INPP4B: variants seen among roughly 807,000 people sequenced by gnomAD.
INPP4B encodes the protein inositol polyphosphate-4-phosphatase type II B.
A neutral mutation model predicts 122.5 loss-of-function variants in INPP4B; 55 were observed. The observed-to-expected ratio is 0.45, with a 90% CI of 0.36 to 0.56. The LOEUF (loss-of-function observed/expected upper bound fraction) is 0.56, where lower values mean the gene tolerates loss of function less well. Ranked by LOEUF, INPP4B falls within the 20% of genes least tolerant of loss-of-function variation. The probability of loss-of-function intolerance (pLI) is 0.00; values close to 1 mark genes in which losing one functional copy is unlikely to be tolerated. For missense variants in INPP4B, 1,000 were observed against 1,097.7 expected, an observed-to-expected ratio of 0.91 and a Z score of 1.26; for synonymous variants, 403 against 388.7, an observed-to-expected ratio of 1.04 and a Z score of -0.43.
At chr4:142,127,392 G>C (rs983628680) in intron 18 of INPP4B, among the ~76,000 whole-genome samples, 1 of 151,978 alleles carries the variant, frequency 6.6e-6, no homozygotes, top group Non-Finnish European at 1.5e-5. Flanking sequence ...TTAGCATAAG[G>C]ATAGTTGCTT....
intron 11 of INPP4B, among the ~76,000 whole-genome samples, chr4:142,258,661 C>T (rs13139763): frequency 0.76 from 114,220 of 151,078 alleles, 44,475 homozygotes; most frequent in East Asian, 0.93. Context: ...GAGATACCAT[C>T]TCACACCAGT....
At chr4:142,568,081 C>T (rs1732019706) in intron 2 of INPP4B, among the ~76,000 whole-genome samples, 1 of 152,066 alleles carries the variant, frequency 6.6e-6, no homozygotes, top group Non-Finnish European at 1.5e-5. Flanking sequence ...GAACCTTTCC[C>T]CTCTGCATTC....
chr4:142,317,074 A>G (rs1478191275), intron 7 of INPP4B, among the ~76,000 whole-genome samples: 1 of 152,218 alleles, frequency 6.6e-6, no homozygotes, highest in African/African-American at 2.4e-5. Flanking sequence ...TGTGAGTTTC[A>G]GGAAAGGCTT....
At position 142,314,742 on chromosome 4, in the gene INPP4B, T is replaced by C. The variant is rs764341841; in HGVS notation, c.393A>G (p.Pro131=). 8.1e-6 allele frequency: 13 copies of C among 1,599,332 alleles called. No homozygotes were observed. In the Admixed American group the frequency reaches 2.3e-4, roughly 28 times the overall value. The change falls in exon 8 of 26, where the codon CCA becomes CCG. Residue 131 remains proline, a synonymous_variant. Transcript: ENST00000262992. ...CTTCTGGCGGGGGATCCTTATGTTC[T>C]GGTAGGACACTGGTTCGAACCTGTG... ...SHDTVRTSVL[P]EHKDPPPEVG...
intron 1 of INPP4B, among the ~76,000 whole-genome samples, chr4:142,812,916 C>T (rs1259534348): frequency 6.6e-6 from 1 of 152,206 alleles, no homozygotes; most frequent in South Asian, 2.1e-4. Context: ...TTCATCTGTC[C>T]TTTAGATGCC....
At chr4:142,639,368 T>C (rs1749874295) in intron 2 of INPP4B, among the ~76,000 whole-genome samples, 1 of 152,092 alleles carries the variant, frequency 6.6e-6, no homozygotes, top group Non-Finnish European at 1.5e-5. Flanking sequence ...GCAGAATACA[T>C]CTGGTACTAA....
intron 2 of INPP4B, among the ~76,000 whole-genome samples, chr4:142,559,003 G>A (rs1016594726): frequency 2.0e-5 from 3 of 151,914 alleles, no homozygotes; most frequent in Admixed American, 6.6e-5. Flanking sequence ...AGAACGCTGC[G>A]AAGCCCAACT....
chr4:142,194,693 AGAGAGTCAGTGTT>A (rs2149376318), intron 14 of INPP4B, among the ~76,000 whole-genome samples: 1 of 152,320 alleles, frequency 6.6e-6, no homozygotes, highest in South Asian at 2.1e-4. Flanking sequence ...ACTCAGTGAC[AGAGAGTCAGTGTT>A]CCCTGGTGGT....
At chr4:142,347,093 C>T (rs764385805) in intron 7 of INPP4B, among the ~76,000 whole-genome samples, 1 of 151,966 alleles carries the variant, frequency 6.6e-6, no homozygotes, top group African/African-American at 2.4e-5. Flanking sequence ...GATAACCAAC[C>T]GTATCTTTAA....
At chr4:142,431,799 C>T (rs893619030) in intron 3 of INPP4B, among the ~76,000 whole-genome samples, 3 of 152,076 alleles carry the variant, frequency 2.0e-5, no homozygotes, top group Non-Finnish European at 2.9e-5. Context: ...GCTCATCTCT[C>T]CATCCACCCT....
At chr4:142,315,418 C>T (rs939273261) in intron 7 of INPP4B, among the ~76,000 whole-genome samples, 3 of 152,002 alleles carry the variant, frequency 2.0e-5, no homozygotes, top group Non-Finnish European at 4.4e-5. Context: ...GTTATCTGGG[C>T]AAGCTTTCCA....
chr4:142,761,685 T>G (rs1318439260), intron 1 of INPP4B, among the ~76,000 whole-genome samples: 1 of 152,184 alleles, frequency 6.6e-6, no homozygotes, highest in Non-Finnish European at 1.5e-5. Context: ...TTTTACACAT[T>G]GACAGAAATA....
chr4:142,542,822 AT>A (rs2150038798), intron 2 of INPP4B, among the ~76,000 whole-genome samples: 1 of 152,308 alleles, frequency 6.6e-6, no homozygotes, highest in East Asian at 1.9e-4. Context: ...ACTCAGTAAG[AT>A]TAAATAAGAT....
chr4:142,048,051 C>G (rs1752510550), intron 25 of INPP4B, among the ~76,000 whole-genome samples: 2 of 152,066 alleles, frequency 1.3e-5, no homozygotes, highest in South Asian at 4.1e-4. Flanking sequence ...ATCACCTCAC[C>G]CCAGTGGTCA....
chr4:142,484,387 T>C (rs1258209295), intron 2 of INPP4B, among the ~76,000 whole-genome samples: 1 of 152,110 alleles, frequency 6.6e-6, no homozygotes, highest in Non-Finnish European at 1.5e-5. Context: ...TACACAGTTA[T>C]TAAAGAAAAG....
At chr4:142,625,836 A>G (rs1164668713) in intron 2 of INPP4B, among the ~76,000 whole-genome samples, 1 of 152,188 alleles carries the variant, frequency 6.6e-6, no homozygotes, top group Non-Finnish European at 1.5e-5. Flanking sequence ...CCGCATACCT[A>G]CAACTATCTG....
intron 2 of INPP4B, among the ~76,000 whole-genome samples, chr4:142,673,728 G>C (rs1267025721): frequency 6.6e-6 from 1 of 152,138 alleles, no homozygotes; most frequent in Non-Finnish European, 1.5e-5. Flanking sequence ...CTGAGTGTCA[G>C]TTGCAGCCTC....
At chr4:142,483,066 C>A (rs1162300420) in intron 2 of INPP4B, among the ~76,000 whole-genome samples, 2 of 151,142 alleles carry the variant, frequency 1.3e-5, no homozygotes, top group African/African-American at 4.9e-5. Context: ...ATAGTCCCCC[C>A]AAAATAAGGA....
intron 11 of INPP4B, among the ~76,000 whole-genome samples, chr4:142,242,063 T>A (rs1859672791): frequency 6.6e-6 from 1 of 152,216 alleles, no homozygotes; most frequent in Admixed American, 6.5e-5. Context: ...ATTATTCAGC[T>A]AAATGTATCT....
Sources: gnomAD v4.1 joint callset for allele counts (sites outside exome capture counted in the v4.1 genomes callset) on GRCh38, gnomAD v4.1.1 for gene constraint, MANE v1.5 for transcripts, NCBI Gene and HGNC (gene_info 2026-07-23, HGNC 2026-07-21) for gene names.